The following CCDC141 variants were observed in gnomAD, a reference collection of about 807,000 sequenced individuals.
CCDC141 encodes coiled-coil domain containing 141, also known as coiled-coil domain-containing protein 141.
In CCDC141, 168 loss-of-function variants were observed where a neutral mutation model predicts 181.0. The observed-to-expected ratio is 0.93, with a 90% CI of 0.82 to 1.05. The LOEUF (loss-of-function observed/expected upper bound fraction) is 1.05. CCDC141 is among the 50% of genes least tolerant of loss of function. The pLI is 0.00. For synonymous variants in CCDC141, 666 were observed against 642.3 expected (o/e 1.04, Z -0.56); for missense variants, 1,902 against 1,788.5 (o/e 1.06, Z -1.14).
intron 2 of CCDC141, among the ~76,000 whole-genome samples, chr2:179,024,953 T>C (rs1473423218): frequency 1.3e-5 from 2 of 152,178 alleles, no homozygotes; most frequent in African/African-American, 4.8e-5. Context: ...TTTGCCTCTT[T>C]GGGTTTGGGG....
chr2:178,839,631 A>T (rs2154366066), intron 22 of CCDC141, among the ~76,000 whole-genome samples: 1 of 148,440 alleles, frequency 6.7e-6, no homozygotes, highest in Admixed American at 6.8e-5. Context: ...TGAAGAGTCG[A>T]AGCAAAGCAA....
At chr2:178,953,559 A>T (rs1690044333) in intron 5 of CCDC141, among the ~76,000 whole-genome samples, 1 of 152,196 alleles carries the variant, frequency 6.6e-6, no homozygotes, top group Non-Finnish European at 1.5e-5. Flanking sequence ...GCAGCCGAAG[A>T]GGCTGATCGT....
chr2:178,914,271 A>G (rs1488205072), intron 7 of CCDC141, among the ~76,000 whole-genome samples: 1 of 152,238 alleles, frequency 6.6e-6, no homozygotes, highest in African/African-American at 2.4e-5. Flanking sequence ...GACAACTGAC[A>G]CTTACTTGTA....
In CCDC141 at chr2:178,961,481, G is replaced by A. The variant is rs1427554410; in HGVS notation, c.529C>T (p.Leu177Phe). The A allele has an allele frequency of 6.5e-7, 1 of 1,540,832 alleles. No individual in the cohort carries two copies. The highest frequency in any genetic ancestry group is 2.5e-5 in the East Asian group (1 of 40,800). Residue 177 changes from leucine (L) to phenylalanine (F), a missense_variant and splice_region_variant, in exon 5 of 24, where the codon CTC becomes TTC. Transcript: ENST00000443758. ...LQLHEHHTKE[L>F]LERSLALLNK... is the part of the protein sequence containing the mutation. ...AAAAGGGCTAAAGACCGTTCCAAGAGTTCTAGAAGAAAATTAGAAAGAAAA... is the reference window on the plus strand; with the variant it reads ...AAAAGGGCTAAAGACCGTTCCAAGAATTCTAGAAGAAAATTAGAAAGAAAA...
At chr2:179,015,087 T>TATATATATATATA (rs2042404051) in intron 2 of CCDC141, among the ~76,000 whole-genome samples, 2 of 46,310 alleles carry the variant, frequency 4.3e-5, no homozygotes, top group African/African-American at 1.4e-4. Flanking sequence ...TATATATATA[T>TATATATATATATA]ATATATATAT....
chr2:178,976,313 T>C (rs1328377271), intron 3 of CCDC141, among the ~76,000 whole-genome samples: 1 of 152,210 alleles, frequency 6.6e-6, no homozygotes, highest in Non-Finnish European at 1.5e-5. Flanking sequence ...CCACGGTACT[T>C]ATCTTCTGTT....
At chr2:178,886,377 G>A (rs1686885334) in intron 10 of CCDC141, among the ~76,000 whole-genome samples, 1 of 152,188 alleles carries the variant, frequency 6.6e-6, no homozygotes, top group Non-Finnish European at 1.5e-5. Context: ...AACGCACGTT[G>A]CTTCTGGTCA....
At chr2:178,884,600 C>T (rs1225211640) in intron 11 of CCDC141, among the ~76,000 whole-genome samples, 1 of 152,112 alleles carries the variant, frequency 6.6e-6, no homozygotes, top group Non-Finnish European at 1.5e-5. Flanking sequence ...TTGTGCTTGC[C>T]CTTTCTCCTT....
chr2:178,823,839 G>A, the CCDC141 span, among the ~76,000 whole-genome samples: 2 of 152,116 alleles, frequency 1.3e-5, no homozygotes, highest in Non-Finnish European at 2.9e-5. Context: ...TTTTAAAACT[G>A]GAATTGTGCT....
At chr2:179,015,410 GTACCATA>G in intron 2 of CCDC141, among the ~76,000 whole-genome samples, 2 of 127,400 alleles carry the variant, frequency 1.6e-5, no homozygotes, top group Admixed American at 8.9e-5. Flanking sequence ...TCTCATATAT[GTACCATA>G]TATCTCATAT....
At chr2:179,048,795 C>G (rs2043584522) in intron 1 of CCDC141, among the ~76,000 whole-genome samples, 1 of 152,214 alleles carries the variant, frequency 6.6e-6, no homozygotes, top group African/African-American at 2.4e-5. Context: ...GGCAGGAATA[C>G]TTTCCATTCT....
chr2:179,045,284 T>C (rs2043457049), intron 2 of CCDC141, among the ~76,000 whole-genome samples: 1 of 136,942 alleles, frequency 7.3e-6, no homozygotes, highest in Admixed American at 7.5e-5. Flanking sequence ...GTTCTTGCCA[T>C]AGTTTACTGA....
chr2:178,846,834 T>A (rs929296221), intron 21 of CCDC141, among the ~76,000 whole-genome samples: 1 of 152,232 alleles, frequency 6.6e-6, no homozygotes, highest in Non-Finnish European at 1.5e-5. Context: ...TCACTGGAGA[T>A]AATGTATATG....
intron 2 of CCDC141, among the ~76,000 whole-genome samples, chr2:178,986,030 A>G (rs1377426323): frequency 4.6e-5 from 7 of 152,174 alleles, no homozygotes; most frequent in African/African-American, 1.7e-4. Flanking sequence ...AGAATTTTAG[A>G]CCAATATCCT....
At chr2:178,952,700 T>C (rs1013366755) in intron 5 of CCDC141, among the ~76,000 whole-genome samples, 7 of 151,988 alleles carry the variant, frequency 4.6e-5, no homozygotes, top group Non-Finnish European at 1.0e-4. Flanking sequence ...ATTCTAGAGA[T>C]AGCCTATATA....
chr2:178,916,821 T>C (rs1307585830), intron 7 of CCDC141, among the ~76,000 whole-genome samples: 1 of 152,140 alleles, frequency 6.6e-6, no homozygotes, highest in African/African-American at 2.4e-5. Context: ...TTTCAAATGA[T>C]AAAATGGGGA....
intron 22 of CCDC141, among the ~76,000 whole-genome samples, chr2:178,841,245 C>A (rs568159225): frequency 6.6e-6 from 1 of 152,342 alleles, no homozygotes; most frequent in South Asian, 2.1e-4. Flanking sequence ...ACTTAACACT[C>A]TTGAGTACAA....
the CCDC141 span, among the ~76,000 whole-genome samples, chr2:178,816,508 T>C: frequency 2.6e-5 from 4 of 152,236 alleles, no homozygotes; most frequent in Non-Finnish European, 4.4e-5. Context: ...AACATCTGCA[T>C]GCAGGTTTTG....
chr2:178,986,694 T>A (rs1691761654), intron 2 of CCDC141, among the ~76,000 whole-genome samples: 2 of 151,586 alleles, frequency 1.3e-5, no homozygotes, highest in Admixed American at 1.3e-4. Context: ...GAGAGCCAAA[T>A]CATGAGTGAA....
Sources: allele counts gnomAD v4.1 joint callset (sites outside exome capture counted in the v4.1 genomes callset), GRCh38; gene constraint gnomAD v4.1.1; transcripts MANE v1.5; gene names NCBI Gene and HGNC (gene_info 2026-07-23, HGNC 2026-07-21).